Variants in UBASH3A observed in about 807,000 individuals in gnomAD.
UBASH3A encodes the protein ubiquitin-associated and SH3 domain-containing protein A.
UBASH3A carries 63 observed loss-of-function variants against 73.5 expected under a neutral mutation model. The observed-to-expected ratio is 0.86, with a 90% CI of 0.70 to 1.06. The LOEUF is 1.06. Among genes scored for constraint, UBASH3A ranks in the 50% least tolerant of loss-of-function variants. UBASH3A has a pLI of 0.00. For missense variants in UBASH3A, 860 were observed against 859.0 expected, an observed-to-expected ratio of 1.00 and a Z score of -0.02; for synonymous variants, 363 against 351.1, an observed-to-expected ratio of 1.03 and a Z score of -0.38.
intron 3 of UBASH3A, chr21:42,410,509 A>G: frequency 2.5e-6 from 1 of 399,064 alleles, no homozygotes; most frequent in Non-Finnish European, 4.4e-6. Context: ...GAGAAGCAGT[A>G]CCTTCCAAAG....
chr21:42,419,108 C>G (rs377175488), intron 7 of UBASH3A, among the ~76,000 whole-genome samples: 21 of 152,160 alleles, frequency 1.4e-4, no homozygotes, highest in South Asian at 6.2e-4. Context: ...AATCAAGGTG[C>G]CTGCCAGGGC....
chr21:42,416,753 G>T, intron 6 of UBASH3A, 142 bp downstream of exon 6: 1 of 841,908 alleles, frequency 1.2e-6, no homozygotes, highest in Non-Finnish European at 1.7e-6. Context: ...CTAACATGGT[G>T]AAACCTCGTC....
At position 42,447,038 on chromosome 21, in the gene UBASH3A, A is replaced by G; in HGVS notation, c.1849-19A>G. 2 of 1,607,150 alleles carry G rather than the reference A, an allele frequency of 1.2e-6. No homozygotes were observed. Among genetic ancestry groups the G allele is most frequent in the Non-Finnish European group, 1.7e-6 (2 of 1,177,626 alleles). ...ACTTGCTATAAGATATTAACAAGTG[A>G]TTTAAAACTCTGTTCCAGATCCCTT... On this transcript the variant is annotated intron_variant, in intron 14 of 14. Coordinates refer to ENST00000319294, the MANE Select transcript of UBASH3A (RefSeq NM_018961.4).
Position 42,434,849 on chromosome 21 carries a change from G to A in UBASH3A, c.1288G>A (p.Asp430Asn), listed in dbSNP as rs933064059. 7 of 1,613,974 alleles carry A rather than the reference G, an allele frequency of 4.3e-6. No individual in the cohort carries two copies. Among genetic ancestry groups the A allele is most frequent in the Non-Finnish European group, 5.9e-6 (7 of 1,179,984 alleles). The change falls in exon 10 of 15, where the codon GAC becomes AAC. Residue 430 changes from aspartate (D) to asparagine (N), a missense_variant. Transcript: ENST00000319294. ...STPDGKYYRPDLNFPCSLPRR... is the reference protein window; with the variant it reads ...STPDGKYYRPNLNFPCSLPRR... ...TACTTCAGGGAAATACTACAGGCCA[G>A]ACCTGAATTTCCCCTGCAGTCTGCC...
chr21:42,423,214 A>T (rs1333104872), intron 7 of UBASH3A, among the ~76,000 whole-genome samples: 2 of 152,212 alleles, frequency 1.3e-5, no homozygotes, highest in African/African-American at 4.8e-5. Context: ...ACCAACAGTC[A>T]TGGCCATCCC....
chr21:42,440,039 C>T (rs1429026683), intron 11 of UBASH3A, among the ~76,000 whole-genome samples: 1 of 151,472 alleles, frequency 6.6e-6, no homozygotes, highest in East Asian at 1.9e-4. Flanking sequence ...ACACCACACA[C>T]ACCACATACA....
At chr21:42,407,446 GCCCACT>G (rs2052999959) in intron 2 of UBASH3A, among the ~76,000 whole-genome samples, 1 of 152,152 alleles carries the variant, frequency 6.6e-6, no homozygotes, top group African/African-American at 2.4e-5. Flanking sequence ...TCAGAAACAA[GCCCACT>G]GCTGTGAAGG....
intron 5 of UBASH3A, among the ~76,000 whole-genome samples, chr21:42,415,592 G>C (rs576041222): frequency 6.6e-6 from 1 of 152,182 alleles, no homozygotes; most frequent in South Asian, 2.1e-4. Flanking sequence ...TCTGTGCACC[G>C]ACACGGCGTC....
intron 14 of UBASH3A, among the ~76,000 whole-genome samples, chr21:42,444,972 G>A (rs1401874191): frequency 1.3e-5 from 2 of 152,322 alleles, no homozygotes; most frequent in Admixed American, 6.5e-5. Flanking sequence ...AGAAACGACT[G>A]TGGGACTCGA....
At chr21:42,408,888 TAAAATA>T (rs2053030571) in intron 2 of UBASH3A, among the ~76,000 whole-genome samples, 1 of 43,646 alleles carries the variant, frequency 2.3e-5, no homozygotes, top group African/African-American at 7.5e-5. Flanking sequence ...ATCTCAAAAA[TAAAATA>T]AAATAAAATA....
intron 7 of UBASH3A, among the ~76,000 whole-genome samples, chr21:42,423,605 C>T (rs1467000123): frequency 2.0e-5 from 3 of 152,176 alleles, no homozygotes; most frequent in African/African-American, 4.8e-5. Flanking sequence ...TTCACAGTCA[C>T]AGAGGAACCA....
intron 11 of UBASH3A, among the ~76,000 whole-genome samples, chr21:42,439,461 T>A (rs990545444): frequency 1.3e-5 from 2 of 152,132 alleles, no homozygotes; most frequent in Admixed American, 1.3e-4. Flanking sequence ...CTCTGGGCTC[T>A]CAATGAGCCA....
At chr21:42,412,576 C>A (rs191872685) in intron 3 of UBASH3A, among the ~76,000 whole-genome samples, 1 of 152,208 alleles carries the variant, frequency 6.6e-6, no homozygotes, top group Non-Finnish European at 1.5e-5. Context: ...AGGGTGGCCC[C>A]GCAGCTGGAA....
intron 2 of UBASH3A, 40 bp from the exon 3 acceptor site, chr21:42,409,382 G>C: frequency 6.6e-7 from 1 of 1,507,324 alleles, no homozygotes; most frequent in South Asian, 1.3e-5. Flanking sequence ...AACTCTTTTT[G>C]TTGTGACAGT....
chr21:42,441,832 T>C (rs2053751736), intron 11 of UBASH3A, among the ~76,000 whole-genome samples: 1 of 152,200 alleles, frequency 6.6e-6, no homozygotes, highest in Admixed American at 6.5e-5. Flanking sequence ...TTCAATGACA[T>C]CTTCTCCATT....
In UBASH3A at chr21:42,434,960, T is replaced by G; in HGVS notation, c.1393+6T>G. On this transcript the variant is annotated splice_donor_region_variant and intron_variant, in intron 10 of 14. Coordinates refer to ENST00000319294, the MANE Select transcript of UBASH3A (RefSeq NM_018961.4). ...TTTCCAGTCCAGAATTGCAGGTATGTTTGAGGACTGTCTAGTAGGAAAGGT... is the reference window on the plus strand; with the variant it reads ...TTTCCAGTCCAGAATTGCAGGTATGGTTGAGGACTGTCTAGTAGGAAAGGT... The G allele has an allele frequency of 1.9e-6, 3 of 1,613,834 alleles. No homozygotes were observed. The highest frequency in any genetic ancestry group is 4.5e-5 in the East Asian group (2 of 44,882).
intron 11 of UBASH3A, among the ~76,000 whole-genome samples, chr21:42,439,156 C>G (rs979591370): frequency 2.0e-5 from 3 of 152,208 alleles, no homozygotes; most frequent in African/African-American, 4.8e-5. Context: ...GCCTCTCAGG[C>G]TCATCATTCC....
chr21:42,419,615 C>T (rs776869422), intron 7 of UBASH3A, among the ~76,000 whole-genome samples: 3 of 152,208 alleles, frequency 2.0e-5, no homozygotes, highest in Non-Finnish European at 4.4e-5. Context: ...TTTGGGCTTT[C>T]TCTGCTGTGC....
At chr21:42,446,302 C>A (rs1326572339) in intron 14 of UBASH3A, among the ~76,000 whole-genome samples, 1 of 152,150 alleles carries the variant, frequency 6.6e-6, no homozygotes, top group African/African-American at 2.4e-5. Context: ...GGGGGCTCTA[C>A]CAAATGATGG....
Sources: allele counts gnomAD v4.1 joint callset (sites outside exome capture counted in the v4.1 genomes callset), GRCh38; gene constraint gnomAD v4.1.1; transcripts MANE v1.5; gene names NCBI Gene and HGNC (gene_info 2026-07-23, HGNC 2026-07-21).